ERBB4: variants seen among roughly 807,000 people sequenced by gnomAD.
The protein encoded by ERBB4 is receptor tyrosine-protein kinase erbB-4.
ERBB4 carries 42 observed loss-of-function variants against 158.0 expected under a neutral mutation model. The ratio of observed to expected loss-of-function variants is 0.27; its 90% CI spans 0.21 to 0.34. ERBB4 has a LOEUF of 0.34. Ranked by LOEUF, ERBB4 falls within the 10% of genes least tolerant of loss-of-function variation. The probability of loss-of-function intolerance (pLI) is 1.00; values close to 1 mark genes in which losing one functional copy is unlikely to be tolerated. For synonymous variants in ERBB4, 583 were observed against 558.7 expected (o/e 1.04, Z -0.61); for missense variants, 1,333 against 1,624.1 (o/e 0.82, Z 3.08).
At chr2:211,621,220 T>A (rs1298544470) in intron 18 of ERBB4, among the ~76,000 whole-genome samples, 1 of 152,024 alleles carries the variant, frequency 6.6e-6, no homozygotes, top group South Asian at 2.1e-4. Context: ...TTTTTTTTCA[T>A]TATTTCATTC....
At chr2:211,503,454 G>A (rs144886937) in intron 20 of ERBB4, among the ~76,000 whole-genome samples, 51 of 152,196 alleles carry the variant, frequency 3.4e-4, no homozygotes, top group South Asian at 6.2e-4. Context: ...GGTTGTTACC[G>A]CAATGGGAGA....
intron 16 of ERBB4, among the ~76,000 whole-genome samples, chr2:211,652,712 A>T (rs1487459037): frequency 6.6e-6 from 1 of 152,158 alleles, no homozygotes; most frequent in African/African-American, 2.4e-5. Context: ...AGATTTAGAT[A>T]GTTAAACTGA....
At chr2:211,483,257 A>G (rs1444365148) in intron 20 of ERBB4, among the ~76,000 whole-genome samples, 1 of 152,154 alleles carries the variant, frequency 6.6e-6, no homozygotes, top group Non-Finnish European at 1.5e-5. Flanking sequence ...TCACTAAATG[A>G]GAGGGATTAA....
rs201889084 is a variant in ERBB4 at position 211,702,190 on chromosome 2, C to T, written c.1290-24G>A. On this transcript the variant is annotated intron_variant, in intron 11 of 27. Coordinates refer to ENST00000342788, the MANE Select transcript of ERBB4 (RefSeq NM_005235.3). ...CACTAAGGAGGGGGAAGTGAGAAAA[C>T]GGAACCATGAAACGCATTCCGGAGT... The T allele has an allele frequency of 1.6e-4, 251 of 1,589,100 alleles. No individual in the cohort carries two copies. The African/African-American group carries it at 3.0e-3, about 19-fold the overall frequency.
rs138370474 is a variant in ERBB4, at chr2:211,801,480, C to T, written c.422-13321G>A. On this transcript the variant is annotated intron_variant, in intron 3 of 27. Transcript: ENST00000342788. ...TATTTAAAATAGTGAAAAAAGGAAGCTGATTTTATTTGTGAGTTTGGGATA... is the reference window on the plus strand; with the variant it reads ...TATTTAAAATAGTGAAAAAAGGAAGTTGATTTTATTTGTGAGTTTGGGATA... Among the ~76,000 whole-genome samples, 220 of 152,048 alleles carry T rather than the reference C, an allele frequency of 1.4e-3. 5 individuals carry two copies. In the East Asian group the frequency reaches 0.03, roughly 21 times the overall value.
At chr2:211,834,863 GTAAGGAGAATC>G (rs1026494754) in intron 3 of ERBB4, among the ~76,000 whole-genome samples, 1 of 152,072 alleles carries the variant, frequency 6.6e-6, no homozygotes, top group African/African-American at 2.4e-5. Flanking sequence ...ATGCTGGCCT[GTAAGGAGAATC>G]TAAAGTCTCC....
chr2:211,438,414 C>A (rs1247008238), intron 20 of ERBB4, among the ~76,000 whole-genome samples: 1 of 152,118 alleles, frequency 6.6e-6, no homozygotes, highest in African/African-American at 2.4e-5. Flanking sequence ...ACACTGGCTA[C>A]TTAGTAGCTA....
intron 1 of ERBB4, among the ~76,000 whole-genome samples, chr2:212,186,183 G>A (rs1001558560): frequency 6.6e-6 from 1 of 152,088 alleles, no homozygotes. Flanking sequence ...GCCTCCAGAG[G>A]TCATTTAGTC....
chr2:212,243,599 T>C (rs1465256679), intron 1 of ERBB4, among the ~76,000 whole-genome samples: 1 of 152,100 alleles, frequency 6.6e-6, no homozygotes, highest in African/African-American at 2.4e-5. Flanking sequence ...TACTGTAGGA[T>C]AGGACTTATA....
At chr2:211,456,806 C>T (rs559136127) in intron 20 of ERBB4, among the ~76,000 whole-genome samples, 2 of 151,190 alleles carry the variant, frequency 1.3e-5, no homozygotes, top group African/African-American at 4.9e-5. Context: ...AATAGGGATC[C>T]CACTCCTATG....
At chr2:211,991,933 G>A (rs1027855542) in intron 2 of ERBB4, among the ~76,000 whole-genome samples, 1 of 152,126 alleles carries the variant, frequency 6.6e-6, no homozygotes, top group Non-Finnish European at 1.5e-5. Context: ...CAGATTATTT[G>A]ATAAAGTTAA....
At chr2:211,944,164 C>CTATATATATATATAGTA (rs71397155) in intron 3 of ERBB4, among the ~76,000 whole-genome samples, 2 of 100,894 alleles carry the variant, frequency 2.0e-5, no homozygotes, top group African/African-American at 8.5e-5. Flanking sequence ...TATATATACA[C>CTATATATATATATAGTA]TATATATATA....
At chr2:211,535,714 T>G (rs369881267) in intron 20 of ERBB4, 8 of 152,906 alleles carry the variant, frequency 5.2e-5, no homozygotes, top group African/African-American at 1.9e-4. Context: ...CTAAGCAGGG[T>G]CAGGCCTGGT....
chr2:212,020,316 C>T (rs2076621253), intron 2 of ERBB4, among the ~76,000 whole-genome samples: 1 of 151,972 alleles, frequency 6.6e-6, no homozygotes. Flanking sequence ...TAGAACTTAT[C>T]ATATATAGAG....
At chr2:211,703,728 C>T (rs2073336793) in intron 11 of ERBB4, among the ~76,000 whole-genome samples, 1 of 152,138 alleles carries the variant, frequency 6.6e-6, no homozygotes, top group East Asian at 1.9e-4. Context: ...GAGACAAGAA[C>T]AGAACCTCCT....
rs4673628 is a variant in ERBB4 at position 211,679,199 on chromosome 2, A to G, written c.1490-15T>C. 0.44 allele frequency: 701,711 copies of G among 1,610,666 alleles called. 158,880 individuals carry two copies. The highest frequency in any genetic ancestry group is 0.54 in the Middle Eastern group (3,270 of 6,044). ...TCCTTCAGCAGCTGTGAAACACCAA[A>G]ATCAAGGGGAAATAAAACAGAGGAT... On this transcript the variant is annotated splice_polypyrimidine_tract_variant and intron_variant, in intron 12 of 27. Coordinates refer to ENST00000342788, the MANE Select transcript of ERBB4 (RefSeq NM_005235.3).
intron 1 of ERBB4, among the ~76,000 whole-genome samples, chr2:212,233,796 T>C (rs2083748278): frequency 6.6e-6 from 1 of 152,030 alleles, no homozygotes; most frequent in Non-Finnish European, 1.5e-5. Flanking sequence ...AAAGCCAAGT[T>C]GAGTTGGTAA....
At chr2:212,245,178 G>A (rs1486085286) in intron 1 of ERBB4, among the ~76,000 whole-genome samples, 1 of 151,782 alleles carries the variant, frequency 6.6e-6, no homozygotes, top group Non-Finnish European at 1.5e-5. Context: ...TAGAAAATTT[G>A]AAAACATCTG....
intron 25 of ERBB4, among the ~76,000 whole-genome samples, chr2:211,403,134 C>T (rs1359813630): frequency 6.6e-6 from 1 of 152,072 alleles, no homozygotes; most frequent in Non-Finnish European, 1.5e-5. Flanking sequence ...CTCCACAAAA[C>T]CTGGACTGCC....
Sources: gnomAD v4.1 joint callset for allele counts (sites outside exome capture counted in the v4.1 genomes callset) on GRCh38, gnomAD v4.1.1 for gene constraint, MANE v1.5 for transcripts, NCBI Gene and HGNC (gene_info 2026-07-23, HGNC 2026-07-21) for gene names.